PIP4K2B: variants seen among roughly 807,000 people sequenced by gnomAD.
PIP4K2B encodes the protein phosphatidylinositol-5-phosphate 4-kinase type 2 beta.
PIP4K2B carries 3 observed loss-of-function variants against 42.0 expected under a neutral mutation model. The observed-to-expected ratio is 0.07, with a 90% CI of 0.03 to 0.18. The LOEUF is 0.18. Among genes scored for constraint, PIP4K2B ranks in the 10% least tolerant of loss-of-function variants. The pLI is 1.00. For synonymous variants in PIP4K2B, 204 were observed against 210.1 expected (o/e 0.97, Z 0.25); for missense variants, 332 against 562.3 (o/e 0.59, Z 4.14).
chr17:38,772,850 G>A (rs1352431895), intron 7 of PIP4K2B, among the ~76,000 whole-genome samples: 1 of 152,124 alleles, frequency 6.6e-6, no homozygotes, highest in Admixed American at 6.5e-5. Flanking sequence ...AAAAGTGCTG[G>A]GATTACAGGT....
At chr17:38,791,486 C>T (rs551857234) in intron 1 of PIP4K2B, among the ~76,000 whole-genome samples, 17 of 142,736 alleles carry the variant, frequency 1.2e-4, no homozygotes, top group South Asian at 6.7e-4. Flanking sequence ...GCGTGCTCAC[C>T]GCAACTTCCG....
In PIP4K2B at chr17:38,778,382, T is replaced by C; in HGVS notation, c.655-10A>G. ...TGGCAACCGTAGAACCCTGAAAGGATAAGAGCCATCAGGGGAAGTCAAGCT... is the reference window on the plus strand; with the variant it reads ...TGGCAACCGTAGAACCCTGAAAGGACAAGAGCCATCAGGGGAAGTCAAGCT... On this transcript the variant is annotated splice_polypyrimidine_tract_variant and intron_variant, in intron 5 of 9. Coordinates refer to ENST00000619039, the MANE Select transcript of PIP4K2B (RefSeq NM_003559.5). 6.2e-7 allele frequency: 1 copy of C among 1,613,848 alleles called. No individual in the cohort carries two copies. Among genetic ancestry groups the C allele is most frequent in the Non-Finnish European group, 8.5e-7 (1 of 1,179,772 alleles).
intron 7 of PIP4K2B, chr17:38,776,491 A>C (rs1909349897): frequency 1.5e-5 from 5 of 327,326 alleles, no homozygotes; most frequent in South Asian, 1.0e-4. Context: ...AAAATGGTTA[A>C]GGTGCGTGCC....
chr17:38,773,704 G>C (rs1245723138), intron 7 of PIP4K2B, among the ~76,000 whole-genome samples: 1 of 152,112 alleles, frequency 6.6e-6, no homozygotes, highest in East Asian at 1.9e-4. Context: ...AGGACAAGGA[G>C]CCCTAAAGAT....
chr17:38,778,937 C>T (rs1388214053), intron 5 of PIP4K2B, among the ~76,000 whole-genome samples: 1 of 152,108 alleles, frequency 6.6e-6, no homozygotes, highest in Non-Finnish European at 1.5e-5. Flanking sequence ...GAAACCAGCC[C>T]AGTTGCAGCA....
chr17:38,775,925 G>C (rs1909313675), intron 7 of PIP4K2B: 1 of 422,368 alleles, frequency 2.4e-6, no homozygotes, highest in Non-Finnish European at 4.6e-6. Flanking sequence ...GAACCCTGAA[G>C]ACATTATGCT....
At position 38,799,544 on chromosome 17, in the gene PIP4K2B, C is replaced by G; in HGVS notation, c.-120G>C. 1 of 1,312,714 alleles carries G rather than the reference C, an allele frequency of 7.6e-7. No individual in the cohort carries two copies. The highest frequency in any genetic ancestry group is 9.7e-7 in the Non-Finnish European group (1 of 1,031,744). 81.3% of individuals were successfully genotyped at this position (1,312,714 alleles called of 1,614,324 possible). On this transcript the variant is annotated 5_prime_UTR_variant, in exon 1 of 10. Transcript: ENST00000619039. This position sits in a 1 kb window ranked among gnomAD's most constrained non-coding sequence, Gnocchi z 4.4. ...CCGCTCCCTCACCGCGCCATGGTCG[C>G]GCCCGTCCCGTTACCTCCCACCCCG...
At chr17:38,795,448 AC>A in intron 1 of PIP4K2B, among the ~76,000 whole-genome samples, 1 of 152,252 alleles carries the variant, frequency 6.6e-6, no homozygotes, top group South Asian at 2.1e-4. Context: ...CTCTACAACA[AC>A]AACAAAAAGA....
chr17:38,799,322 G>C lies in PIP4K2B; in HGVS notation c.103C>G (p.Leu35Val). 1 of 1,608,850 alleles carries C rather than the reference G, an allele frequency of 6.2e-7. No individual in the cohort carries two copies. Among genetic ancestry groups the C allele is most frequent in the Non-Finnish European group, 8.5e-7 (1 of 1,178,060 alleles). Reference sequence around the variant, plus strand: ...AGGATCGGCTCGCTGGCCCGGAATAGCTTCACTTTCTGGCACACGAAATGC... The same window carrying C: ...AGGATCGGCTCGCTGGCCCGGAATACCTTCACTTTCTGGCACACGAAATGC... ...KKHFVCQKVK[L>V]FRASEPILSV... Residue 35 changes from leucine to valine, a missense_variant, in exon 1 of 10, where the codon CTA (leucine) becomes GTA (valine). Physicochemically the swap from Leu to Val is conservative, Grantham distance 32. Around this residue, in one of 6 missense-constraint regions of PIP4K2B, gnomAD observed 186 missense variants for 288.4 expected, o/e 0.64. Coordinates refer to ENST00000619039, the MANE Select transcript of PIP4K2B (RefSeq NM_003559.5). This position sits in a 1 kb window ranked among gnomAD's most constrained non-coding sequence, Gnocchi z 4.4.
chr17:38,778,932 C>A (rs1909526324), intron 5 of PIP4K2B, among the ~76,000 whole-genome samples: 1 of 152,104 alleles, frequency 6.6e-6, no homozygotes, highest in Admixed American at 6.5e-5. Context: ...CAGAGGAAAC[C>A]AGCCCAGTTG....
intron 1 of PIP4K2B, among the ~76,000 whole-genome samples, chr17:38,797,623 C>T (rs1910724196): frequency 6.6e-6 from 1 of 152,190 alleles, no homozygotes; most frequent in African/African-American, 2.4e-5. Context: ...TTGCAGCTAG[C>T]TGTAATACTC....
At chr17:38,793,393 G>A (rs144609891) in intron 1 of PIP4K2B, among the ~76,000 whole-genome samples, 1,970 of 151,498 alleles carry the variant, frequency 0.013, 52 homozygotes, top group African/African-American at 0.045. Flanking sequence ...ACAGGCATGC[G>A]CCACCATGCC....
At chr17:38,790,947 T>A (rs780478521) in intron 1 of PIP4K2B, among the ~76,000 whole-genome samples, 120 of 152,300 alleles carry the variant, frequency 7.9e-4, no homozygotes, top group Non-Finnish European at 1.4e-3. Flanking sequence ...AATTGAACTG[T>A]TCCTATTGAA....
chr17:38,788,771 T>A (rs1910179816), intron 1 of PIP4K2B, among the ~76,000 whole-genome samples: 1 of 151,910 alleles, frequency 6.6e-6, no homozygotes, highest in Non-Finnish European at 1.5e-5. Context: ...GCCAATATGG[T>A]GAAACCCTAT....
rs1043854914 is a variant in PIP4K2B at position 38,798,027 on chromosome 17, T to C, written c.159+1239A>G. ...CACATGCACTTTCCTAAATGACAGG[T>C]CAAGATCTAAAACCCTAGCTCAGAT... On this transcript the variant is annotated intron_variant, in intron 1 of 9. Coordinates refer to ENST00000619039, the MANE Select transcript of PIP4K2B (RefSeq NM_003559.5). 2.6e-5 allele frequency among the ~76,000 whole-genome samples: 4 copies of C among 152,048 alleles called. No homozygotes were observed. In the East Asian group the frequency reaches 7.7e-4, roughly 29 times the overall value.
intron 9 of PIP4K2B, 125 bp from the exon 10 acceptor site, chr17:38,769,896 C>T: frequency 1.2e-6 from 1 of 809,426 alleles, no homozygotes; most frequent in Non-Finnish European, 2.1e-6. Context: ...CACCCCCAAC[C>T]CCACCAAGAC....
rs1207805835 is a variant in PIP4K2B at position 38,780,524 on chromosome 17, C to G, written c.435G>C (p.Arg145=). Reference sequence around the variant, plus strand: ...TGGACACAGTCTTGATGACAAAGCGCCGGTCGTAGGTGGTGAGGAAACGCG... The same window carrying G: ...TGGACACAGTCTTGATGACAAAGCGGCGGTCGTAGGTGGTGAGGAAACGCG... ...CGTRFLTTYD[R]RFVIKTVSSE... is the part of the protein sequence containing the mutation. The change falls in exon 4 of 10, where the codon CGG becomes CGC. Residue 145 remains arginine (R), a synonymous_variant. Transcript: ENST00000619039. The G allele has an allele frequency of 6.2e-7, 1 of 1,614,090 alleles. No individual in the cohort carries two copies.
intron 1 of PIP4K2B, among the ~76,000 whole-genome samples, chr17:38,795,987 A>C (rs1457153491): frequency 6.6e-6 from 1 of 151,976 alleles, no homozygotes; most frequent in Non-Finnish European, 1.5e-5. Flanking sequence ...AAAATAAAAA[A>C]ATTAGCCACG....
chr17:38,775,322 A>G (rs1242769467), intron 7 of PIP4K2B, among the ~76,000 whole-genome samples: 6 of 152,066 alleles, frequency 3.9e-5, no homozygotes, highest in Admixed American at 3.9e-4. Context: ...GCATGATCAT[A>G]GCTCACCACA....
Sources: allele counts gnomAD v4.1 joint callset (sites outside exome capture counted in the v4.1 genomes callset), GRCh38; gene constraint gnomAD v4.1.1; regional missense constraint gnomAD v4.1.1; non-coding constraint Gnocchi (gnomAD v3.1); transcripts MANE v1.5; gene names NCBI Gene and HGNC (gene_info 2026-07-23, HGNC 2026-07-21).